Variants in DNAAF11 observed in about 807,000 individuals in gnomAD.
DNAAF11 encodes dynein axonemal assembly factor 11.
Under a neutral mutation model 60.8 loss-of-function variants are expected in DNAAF11, and 45 were observed. The observed-to-expected ratio is 0.74, with a 90% CI of 0.58 to 0.95. The LOEUF (loss-of-function observed/expected upper bound fraction) is 0.95. Ranked by LOEUF, DNAAF11 falls within the 40% of genes least tolerant of loss-of-function variation. The pLI, the probability that DNAAF11 is intolerant of heterozygous loss-of-function variation, is 0.00. For missense variants in DNAAF11, 546 were observed against 546.2 expected (o/e 1.00, Z 0.00); for synonymous variants, 191 against 183.5 (o/e 1.04, Z -0.33).
At chr8:132,659,722 G>C (rs1011229228) in intron 2 of DNAAF11, among the ~76,000 whole-genome samples, 3 of 152,026 alleles carry the variant, frequency 2.0e-5, no homozygotes, top group Non-Finnish European at 2.9e-5. Context: ...CTTTTTGCAA[G>C]CCTGAGGCTA....
At chr8:132,594,150 T>A (rs1816752949) in intron 10 of DNAAF11, among the ~76,000 whole-genome samples, 1 of 152,108 alleles carries the variant, frequency 6.6e-6, no homozygotes, top group African/African-American at 2.4e-5. Flanking sequence ...AAGGAATGAA[T>A]AAGGACATTT....
chr8:132,647,808 C>A (rs1276939571), intron 3 of DNAAF11, among the ~76,000 whole-genome samples: 11 of 152,140 alleles, frequency 7.2e-5, no homozygotes, highest in Middle Eastern at 3.4e-3. Flanking sequence ...CCAAGACTAA[C>A]CCAGGAAGAA....
At chr8:132,687,157 A>C in the DNAAF11 span, among the ~76,000 whole-genome samples, 1 of 152,238 alleles carries the variant, frequency 6.6e-6, no homozygotes, top group East Asian at 1.9e-4. Context: ...AGCAGATATC[A>C]AGAAGGGAAA....
intron 10 of DNAAF11, among the ~76,000 whole-genome samples, chr8:132,607,698 T>C (rs1818264806): frequency 6.6e-6 from 1 of 152,208 alleles, no homozygotes; most frequent in African/African-American, 2.4e-5. Flanking sequence ...CATCAAGCAA[T>C]ATTTCTATTT....
chr8:132,597,171 A>G (rs1817098331), intron 10 of DNAAF11, among the ~76,000 whole-genome samples: 1 of 152,132 alleles, frequency 6.6e-6, no homozygotes, highest in Non-Finnish European at 1.5e-5. Flanking sequence ...GTCACCTCTT[A>G]TTTTATTTTT....
intron 3 of DNAAF11, among the ~76,000 whole-genome samples, chr8:132,639,904 G>A (rs1000703758): frequency 1.3e-5 from 2 of 151,484 alleles, no homozygotes; most frequent in Non-Finnish European, 2.9e-5. Flanking sequence ...GTCTAACATA[G>A]AGAAAAGATA....
At chr8:132,604,097 A>G (rs759815379) in intron 10 of DNAAF11, among the ~76,000 whole-genome samples, 1 of 152,194 alleles carries the variant, frequency 6.6e-6, no homozygotes, top group Non-Finnish European at 1.5e-5. Context: ...CTTCAGTTGG[A>G]AGTTTTATAA....
At chr8:132,629,336 ATTCTCTTTTTTTTT>A (rs796107236) in intron 5 of DNAAF11, among the ~76,000 whole-genome samples, 5 of 144,110 alleles carry the variant, frequency 3.5e-5, no homozygotes, top group African/African-American at 1.4e-4. Flanking sequence ...ACAGATACCC[ATTCTCTTTTTTTTT>A]TTCTTTTTTT....
chr8:132,685,697 C>T, the DNAAF11 span, among the ~76,000 whole-genome samples: 3 of 152,152 alleles, frequency 2.0e-5, no homozygotes, highest in Admixed American at 6.5e-5. Context: ...TAGAGAGAAT[C>T]GTATTTTCAA....
rs540298986 is a variant in DNAAF11 at position 132,665,411 on chromosome 8, A to G, written c.11-3784T>C. Among the ~76,000 whole-genome samples the G allele has an allele frequency of 3.3e-5, 5 of 152,304 alleles. No homozygotes were observed. In the East Asian group the frequency reaches 9.6e-4, roughly 29 times the overall value. ...TAGAAATTTCTACTCCAAATAATAT[A>G]GCACTGCAATTACGTGAGATCATTC... is the stretch of plus-strand genomic sequence containing the variant. On this transcript the variant is annotated intron_variant, in intron 1 of 11. Coordinates refer to ENST00000620350, the MANE Select transcript of DNAAF11 (RefSeq NM_012472.6).
At chr8:132,675,750 C>CCGCTT (rs1554613942), upstream of DNAAF11, 2 of 410,340 alleles carry the variant, frequency 4.9e-6, no homozygotes, top group African/African-American at 4.1e-5. Context: ...CGTCGCACTT[C>CCGCTT]CGACTTGCCA....
chr8:132,640,523 G>A (rs1173452290), intron 3 of DNAAF11, among the ~76,000 whole-genome samples: 2 of 151,928 alleles, frequency 1.3e-5, no homozygotes, highest in African/African-American at 4.8e-5. Flanking sequence ...TCTCTGCCTT[G>A]TTTATGTCTA....
chr8:132,593,290 T>C (rs1328368085), intron 10 of DNAAF11, among the ~76,000 whole-genome samples: 2 of 142,712 alleles, frequency 1.4e-5, no homozygotes, highest in African/African-American at 5.3e-5. Context: ...GATAGAAGTT[T>C]CTGACAGATA....
chr8:132,622,633 CT>C lies in DNAAF11; in HGVS notation c.891del (p.Ala298ProfsTer2). 3.7e-6 allele frequency: 6 copies of C among 1,613,788 alleles called. No homozygotes were observed. The highest frequency in any genetic ancestry group is 5.1e-6 in the Non-Finnish European group (6 of 1,179,810). ...PPRTLITEDGKALNVNEPKID... is the reference protein window; with the variant it reads ...PPRTLITEDGXALNVNEPKID... ...TACTTGGGCTCATTCACATTTAGGG[CT>C]TTCCCATCTTCAGTGATCAAAGTCC... On this transcript the variant is annotated frameshift_variant, in exon 7 of 12. Transcript: ENST00000620350. LOFTEE classifies it high-confidence loss of function.
rs533857732 is a variant in DNAAF11 at position 132,654,482 on chromosome 8, A to C, written c.256+2348T>G. 1.7e-4 allele frequency among the ~76,000 whole-genome samples: 26 copies of C among 152,152 alleles called. 1 individual carries two copies. Among genetic ancestry groups the C allele is most frequent in the African/African-American group, 6.3e-4 (26 of 41,566 alleles). ...AATGGCAGCATGTACAATCTTCCCA[A>C]ATGTACATGGAACAGCCTCTAGGAC... On this transcript the variant is annotated intron_variant, in intron 3 of 11. Coordinates refer to ENST00000620350, the MANE Select transcript of DNAAF11 (RefSeq NM_012472.6).
intron 5 of DNAAF11, among the ~76,000 whole-genome samples, chr8:132,627,248 G>C (rs1820367348): frequency 6.6e-6 from 1 of 151,858 alleles, no homozygotes; most frequent in African/African-American, 2.4e-5. Flanking sequence ...GTGACTAATT[G>C]GTTCAATCTG....
intron 2 of DNAAF11, 51 bp downstream of exon 2, chr8:132,661,407 TTC>T: frequency 1.4e-6 from 2 of 1,436,024 alleles, no homozygotes; most frequent in Admixed American, 4.3e-5. Flanking sequence ...CTTTCCAAAG[TTC>T]TCTCATTCAC....
intron 11 of DNAAF11, among the ~76,000 whole-genome samples, chr8:132,578,176 C>T (rs923278243): frequency 2.0e-5 from 3 of 151,906 alleles, no homozygotes; most frequent in Admixed American, 2.0e-4. Flanking sequence ...ACCTCATTTC[C>T]CAGTATATAT....
At chr8:132,661,882 C>T (rs1331771846) in intron 1 of DNAAF11, among the ~76,000 whole-genome samples, 2 of 152,126 alleles carry the variant, frequency 1.3e-5, no homozygotes, top group African/African-American at 2.4e-5. Flanking sequence ...GGTCTACATA[C>T]ATTTTGCTGT....
Sources: gnomAD v4.1 joint callset for allele counts (sites outside exome capture counted in the v4.1 genomes callset) on GRCh38, gnomAD v4.1.1 for gene constraint, MANE v1.5 for transcripts, NCBI Gene and HGNC (gene_info 2026-07-23, HGNC 2026-07-21) for gene names.